KLHL23: variants seen among roughly 807,000 people sequenced by gnomAD.
KLHL23 encodes the protein kelch-like protein 23.
KLHL23 carries 33 observed loss-of-function variants against 48.9 expected under a neutral mutation model. The observed-to-expected ratio is 0.67, with a 90% confidence interval of 0.51 to 0.90. The LOEUF (loss-of-function observed/expected upper bound fraction) is 0.90. Ranked by LOEUF, KLHL23 falls within the 40% of genes least tolerant of loss-of-function variation. The pLI is 0.00. For synonymous variants in KLHL23, 234 were observed against 231.6 expected (o/e 1.01, Z -0.09); for missense variants, 608 against 669.6 (o/e 0.91, Z 1.02).
At chr2:169,747,420 C>A (rs1688821539) in intron 3 of KLHL23, among the ~76,000 whole-genome samples, 1 of 118,826 alleles carries the variant, frequency 8.4e-6, no homozygotes, top group Admixed American at 9.2e-5. Flanking sequence ...TGAGGGAGAA[C>A]TTTACTGGTA....
intron 2 of KLHL23, among the ~76,000 whole-genome samples, chr2:169,740,621 T>C (rs1394158953): frequency 1.3e-5 from 2 of 150,398 alleles, no homozygotes; most frequent in Non-Finnish European, 3.0e-5. Context: ...GCTAATTTTT[T>C]GTATTTTTAG....
chr2:169,750,114 G>GTATATATACGTATGTA lies in KLHL23; in HGVS notation c.*383_*384insATATATACGTATGTAT, dbSNP rs1688935670. On this transcript the variant is annotated 3_prime_UTR_variant, in exon 4 of 4. Coordinates refer to ENST00000392647, the MANE Select transcript of KLHL23 (RefSeq NM_144711.6). ...CATATATGTGTATACATATATATGT[G>GTATATATACGTATGTA]TGTATATATATACACATATATACGT... is the stretch of plus-strand genomic sequence containing the variant. The GTATATATACGTATGTA allele has an allele frequency of 7.0e-5, 1 of 14,248 alleles. No homozygotes were observed. Among genetic ancestry groups the GTATATATACGTATGTA allele is most frequent in the Non-Finnish European group, 1.5e-4 (1 of 6,652 alleles). 0.9% of individuals were successfully genotyped at this position (14,248 alleles called of 1,614,324 possible). A position where few individuals can be genotyped will look rare whatever the true frequency, so the allele number is the denominator to read the frequency against.
chr2:169,749,171 G>A (rs1374513706), intron 3 of KLHL23, among the ~76,000 whole-genome samples: 2 of 152,130 alleles, frequency 1.3e-5, no homozygotes, highest in Non-Finnish European at 2.9e-5. Context: ...TTCCTCCCTG[G>A]CCTCCTACAG....
At position 169,750,314 on chromosome 2, in the gene KLHL23, T is replaced by C. The variant is rs927987988; in HGVS notation, c.*582T>C. On this transcript the variant is annotated 3_prime_UTR_variant, in exon 4 of 4. Coordinates refer to ENST00000392647, the MANE Select transcript of KLHL23 (RefSeq NM_144711.6). ...GATAAATCAGAACCATTCTGTGGAA[T>C]GAAATGTTTCTCAAGAGCCTATAAT... is the stretch of plus-strand genomic sequence containing the variant. 1.3e-5 allele frequency: 2 copies of C among 152,190 alleles called. No individual in the cohort carries two copies. Among genetic ancestry groups the C allele is most frequent in the African/African-American group, 4.9e-5 (2 of 41,228 alleles). 9.4% of individuals were successfully genotyped at this position (152,190 alleles called of 1,614,324 possible).
intron 1 of KLHL23, among the ~76,000 whole-genome samples, chr2:169,734,808 C>T (rs1372207578): frequency 6.6e-6 from 1 of 152,146 alleles, no homozygotes; most frequent in Non-Finnish European, 1.5e-5. Flanking sequence ...CCAGGAGCCT[C>T]ATTTCAAGCT....
At position 169,735,137 on chromosome 2, in the gene KLHL23, G is replaced by C. The variant is rs772056789; in HGVS notation, c.123G>C (p.Gln41His). ...GATTATTTACTGATATTACTCTTCAGTGTCCTTCAGGCATAATTTTCCATT... is the reference window on the plus strand; with the variant it reads ...GATTATTTACTGATATTACTCTTCACTGTCCTTCAGGCATAATTTTCCATT... Reference protein sequence around the residue: ...LDGLFTDITLQCPSGIIFHCH... With the variant: ...LDGLFTDITLHCPSGIIFHCH... Residue 41 changes from glutamine (Q) to histidine (H), a missense_variant, in exon 2 of 4, where the codon CAG becomes CAC. Gln to His is a conservative substitution (Grantham distance 24). This residue lies in a region of KLHL23 where 419 missense variants were observed against 473.1 expected (regional missense o/e 0.89). Coordinates refer to ENST00000392647, the MANE Select transcript of KLHL23 (RefSeq NM_144711.6). The surrounding 1 kb of genome is among the most constrained non-coding windows in gnomAD (Gnocchi z 4.5). 1 of 1,613,190 alleles carries C rather than the reference G, an allele frequency of 6.2e-7. No individual in the cohort carries two copies. Among genetic ancestry groups the C allele is most frequent in the South Asian group, 1.1e-5 (1 of 90,590 alleles).
In KLHL23 at chr2:169,733,839, T is replaced by C. The variant is rs1688441270; in HGVS notation, c.-251T>C. 1.3e-5 allele frequency: 2 copies of C among 152,094 alleles called. No homozygotes were observed. Among genetic ancestry groups the C allele is most frequent in the Non-Finnish European group, 2.9e-5 (2 of 68,140 alleles). The allele number at this position is 152,094 out of a possible 1,614,324, so 9.4% of individuals were successfully genotyped here. ...CTCACGCCTGCACGCCCCGCCCCGC[T>C]CGCCGCACGGCCCGGCGACGGGGGA... On this transcript the variant is annotated 5_prime_UTR_variant, in exon 1 of 4. Coordinates refer to ENST00000392647, the MANE Select transcript of KLHL23 (RefSeq NM_144711.6).
In KLHL23 at chr2:169,735,237, A is replaced by C; in HGVS notation, c.223A>C (p.Lys75Gln). The stretch of plus-strand genomic sequence containing the variant: ...CACAGCTGACATGAAAGAAAAATTT[A>C]AAAATAAAATAAAACTCTCTGGCAT... Reference protein sequence around the residue: ...MFTADMKEKFKNKIKLSGIHH... With the variant: ...MFTADMKEKFQNKIKLSGIHH... Residue 75 changes from lysine to glutamine, a missense_variant, in exon 2 of 4, where the codon AAA (lysine) becomes CAA (glutamine). By Grantham distance (53) the Lys-to-Gln change is moderately conservative. This residue lies in a region of KLHL23 where 419 missense variants were observed against 473.1 expected (regional missense o/e 0.89). Transcript: ENST00000392647. This position sits in a 1 kb window ranked among gnomAD's most constrained non-coding sequence, Gnocchi z 4.5. 6.2e-7 allele frequency: 1 copy of C among 1,603,392 alleles called. No homozygotes were observed. The highest frequency in any genetic ancestry group is 8.5e-7 in the Non-Finnish European group (1 of 1,177,570).
At position 169,749,996 on chromosome 2, in the gene KLHL23, C is replaced by CAT. The variant is rs529443981; in HGVS notation, c.*269_*270dup. On this transcript the variant is annotated 3_prime_UTR_variant, in exon 4 of 4. Coordinates refer to ENST00000392647, the MANE Select transcript of KLHL23 (RefSeq NM_144711.6). Reference sequence around the variant, plus strand: ...ATATGTGTATATATACGTATGTATACATATATGTGTATATATACGTATGTA... The same window carrying CAT: ...ATATGTGTATATATACGTATGTATACATATATATGTGTATATATACGTATGTA... 2.3e-3 allele frequency: 317 copies of CAT among 135,284 alleles called. 60 individuals carry two copies. Among genetic ancestry groups the CAT allele is most frequent in the Middle Eastern group, 0.02 (6 of 298 alleles). The allele number at this position is 135,284 out of a possible 1,614,324, so 8.4% of individuals were successfully genotyped here. A position where few individuals can be genotyped will look rare whatever the true frequency, so the allele number is the denominator to read the frequency against.
At position 169,741,472 on chromosome 2, in the gene KLHL23, A is replaced by C. The variant is rs780050383; in HGVS notation, c.1301A>C (p.Asp434Ala). Reference sequence around the variant, plus strand: ...GGCTACAGAGGAAGCTGCACCTATGACAAAGTTCAGAGCTACAATTCCGAT... The same window carrying C: ...GGCTACAGAGGAAGCTGCACCTATGCCAAAGTTCAGAGCTACAATTCCGAT... ...HCGYRGSCTYDKVQSYNSDIN... is the reference protein window; with the variant it reads ...HCGYRGSCTYAKVQSYNSDIN... Residue 434 changes from aspartate to alanine, a missense_variant, in exon 3 of 4, where the codon GAC (aspartate) becomes GCC (alanine). Physicochemically the swap from Asp to Ala is moderately radical, Grantham distance 126 (BLOSUM62 -2). Coordinates refer to ENST00000392647, the MANE Select transcript of KLHL23 (RefSeq NM_144711.6). 1.9e-6 allele frequency: 3 copies of C among 1,614,054 alleles called. No individual in the cohort carries two copies. In the East Asian group the frequency reaches 6.7e-5, roughly 36 times the overall value.
At chr2:169,748,771 G>GCC (rs397937181) in intron 3 of KLHL23, among the ~76,000 whole-genome samples, 7 of 110,312 alleles carry the variant, frequency 6.3e-5, no homozygotes, top group South Asian at 7.6e-4. Context: ...GAGGAGGACC[G>GCC]CCCCCCCCCC....
rs1394947142 is a variant in KLHL23 at position 169,750,184 on chromosome 2, C to A, written c.*452C>A. 1 of 151,442 alleles carries A rather than the reference C, an allele frequency of 6.6e-6. No individual in the cohort carries two copies. Among genetic ancestry groups the A allele is most frequent in the Non-Finnish European group, 1.5e-5 (1 of 67,704 alleles). The allele number at this position is 151,442 out of a possible 1,614,324, so 9.4% of individuals were successfully genotyped here. On this transcript the variant is annotated 3_prime_UTR_variant, in exon 4 of 4. Coordinates refer to ENST00000392647, the MANE Select transcript of KLHL23 (RefSeq NM_144711.6). ...CACAGTTGAATCAGTGGGATTAATA[C>A]CTATAATCTCTGGTTTTCAAAGGTA...
At chr2:169,742,842 A>G (rs1468368199) in intron 3 of KLHL23, among the ~76,000 whole-genome samples, 2 of 152,262 alleles carry the variant, frequency 1.3e-5, no homozygotes, top group African/African-American at 4.8e-5. Flanking sequence ...AGGAATAGTA[A>G]CAACTCACAG....
Position 169,750,328 on chromosome 2 carries a change from A to G in KLHL23, c.*596A>G, listed in dbSNP as rs1688944611. 1 of 152,686 alleles carries G rather than the reference A, an allele frequency of 6.5e-6. No homozygotes were observed. The highest frequency in any genetic ancestry group is 2.4e-5 in the African/African-American group (1 of 41,404). 9.5% of individuals were successfully genotyped at this position (152,686 alleles called of 1,614,324 possible). A position where few individuals can be genotyped will look rare whatever the true frequency, so the allele number is the denominator to read the frequency against. On this transcript the variant is annotated 3_prime_UTR_variant, in exon 4 of 4. Coordinates refer to ENST00000392647, the MANE Select transcript of KLHL23 (RefSeq NM_144711.6). Reference sequence around the variant, plus strand: ...ATTCTGTGGAATGAAATGTTTCTCAAGAGCCTATAATATAGTAGATAGTGC... The same window carrying G: ...ATTCTGTGGAATGAAATGTTTCTCAGGAGCCTATAATATAGTAGATAGTGC...
At chr2:169,747,826 GGAGA>G (rs1227029226) in intron 3 of KLHL23, among the ~76,000 whole-genome samples, 1 of 152,084 alleles carries the variant, frequency 6.6e-6, no homozygotes, top group Non-Finnish European at 1.5e-5. Context: ...CTGCCAGGAG[GGAGA>G]GAGAGACGAT....
At chr2:169,748,685 T>C (rs1262853034) in intron 3 of KLHL23, among the ~76,000 whole-genome samples, 1 of 150,924 alleles carries the variant, frequency 6.6e-6, no homozygotes, top group East Asian at 2.0e-4. Context: ...AGTTGTGAGA[T>C]ATGCTGGTGC....
At position 169,747,235 on chromosome 2, in the gene KLHL23, G is replaced by A. The variant is rs79817422; in HGVS notation, c.1367-2187G>A. Among the ~76,000 whole-genome samples the A allele has an allele frequency of 3.5e-3, 536 of 151,696 alleles. 1 individual carries two copies. The highest frequency in any genetic ancestry group is 0.012 in the African/African-American group (510 of 41,358). On this transcript the variant is annotated intron_variant, in intron 3 of 3. Transcript: ENST00000392647. ...AAAAATTAGCCAGGCATGGTGGTGC[G>A]CACCCGTAATCTCAGCTACAGTGCA...
chr2:169,747,833 G>A (rs1289596767), intron 3 of KLHL23, among the ~76,000 whole-genome samples: 3 of 152,128 alleles, frequency 2.0e-5, no homozygotes, highest in African/African-American at 7.2e-5. Context: ...GAGGGAGAGA[G>A]AGACGATAAG....
chr2:169,736,971 G>C (rs1281469574), intron 2 of KLHL23, among the ~76,000 whole-genome samples: 1 of 152,144 alleles, frequency 6.6e-6, no homozygotes, highest in Non-Finnish European at 1.5e-5. Flanking sequence ...AATTTGACCT[G>C]GTCTGGAAAT....
Sources: gnomAD v4.1 joint callset for allele counts (sites outside exome capture counted in the v4.1 genomes callset) on GRCh38, gnomAD v4.1.1 for gene constraint, gnomAD v4.1.1 regional missense constraint, Gnocchi (gnomAD v3.1) non-coding constraint, MANE v1.5 for transcripts, NCBI Gene and HGNC (gene_info 2026-07-23, HGNC 2026-07-21) for gene names.